The following HCN1 variants were observed in gnomAD, a reference collection of about 807,000 sequenced individuals.
HCN1 encodes the protein potassium/sodium hyperpolarization-activated cyclic nucleotide-gated channel 1.
A neutral mutation model predicts 78.9 loss-of-function variants in HCN1; 13 were observed. The ratio of observed to expected loss-of-function variants is 0.16; its 90% CI spans 0.11 to 0.26. The LOEUF (loss-of-function observed/expected upper bound fraction) is 0.26, where lower values mean the gene tolerates loss of function less well. Among genes scored for constraint, HCN1 ranks in the 10% least tolerant of loss-of-function variants. The probability of loss-of-function intolerance (pLI) is 1.00; values close to 1 mark genes in which losing one functional copy is unlikely to be tolerated. For synonymous variants in HCN1, 552 were observed against 455.5 expected, an observed-to-expected ratio of 1.21 and a Z score of -2.70; for missense variants, 810 against 1,154.3, an observed-to-expected ratio of 0.70 and a Z score of 4.32.
At chr5:45,526,150 C>A (rs139175780) in intron 2 of HCN1, among the ~76,000 whole-genome samples, 1 of 152,004 alleles carries the variant, frequency 6.6e-6, no homozygotes, top group Non-Finnish European at 1.5e-5. Context: ...TTTGTTAGAG[C>A]GGCCCAGATT....
chr5:45,545,135 G>A (rs538603700), intron 2 of HCN1, among the ~76,000 whole-genome samples: 4 of 152,088 alleles, frequency 2.6e-5, no homozygotes, highest in South Asian at 2.1e-4. Flanking sequence ...TTTAATGATC[G>A]CCATTCTAAC....
chr5:45,484,739 C>T (rs888607126), intron 2 of HCN1, among the ~76,000 whole-genome samples: 1 of 152,110 alleles, frequency 6.6e-6, no homozygotes, highest in African/African-American at 2.4e-5. Context: ...AGTAGCTAAA[C>T]CTAATCCTAA....
intron 4 of HCN1, among the ~76,000 whole-genome samples, chr5:45,358,998 C>A (rs1747060971): frequency 6.6e-6 from 1 of 152,074 alleles, no homozygotes; most frequent in Admixed American, 6.6e-5. Flanking sequence ...TCTGTCTTGC[C>A]ATGCCATAAG....
chr5:45,283,603 A>G (rs1745210737), intron 6 of HCN1, among the ~76,000 whole-genome samples: 1 of 152,164 alleles, frequency 6.6e-6, no homozygotes, highest in Non-Finnish European at 1.5e-5. Context: ...ACCATCTCAC[A>G]CTAGTCAGAA....
chr5:45,554,133 A>T (rs186889036), intron 2 of HCN1, among the ~76,000 whole-genome samples: 189 of 152,002 alleles, frequency 1.2e-3, no homozygotes, highest in African/African-American at 4.5e-3. Flanking sequence ...ATAGGCCAAA[A>T]TGAAGTTCTA....
chr5:45,485,200 C>T (rs190772547), intron 2 of HCN1, among the ~76,000 whole-genome samples: 57 of 152,226 alleles, frequency 3.7e-4, no homozygotes, highest in African/African-American at 1.2e-3. Context: ...ATAATGTAGG[C>T]GCTAAAAGAA....
intron 2 of HCN1, among the ~76,000 whole-genome samples, chr5:45,612,316 T>C (rs181562279): frequency 1.2e-3 from 184 of 152,296 alleles, no homozygotes; most frequent in Middle Eastern, 3.4e-3. Context: ...TTCATTTATC[T>C]TTCAACCTAT....
At chr5:45,316,903 C>T (rs918957817) in intron 5 of HCN1, among the ~76,000 whole-genome samples, 36 of 151,976 alleles carry the variant, frequency 2.4e-4, no homozygotes, top group African/African-American at 3.9e-4. Flanking sequence ...CACTGCTCAA[C>T]GAAATAAAAG....
chr5:45,462,256 T>C (rs1741177496), intron 2 of HCN1, among the ~76,000 whole-genome samples: 1 of 152,276 alleles, frequency 6.6e-6, no homozygotes, highest in African/African-American at 2.4e-5. Flanking sequence ...TAAATGTATG[T>C]ATTAAAGAAC....
At chr5:45,599,769 C>G (rs1284873513) in intron 2 of HCN1, among the ~76,000 whole-genome samples, 1 of 151,500 alleles carries the variant, frequency 6.6e-6, no homozygotes, top group Admixed American at 6.6e-5. Context: ...GCTGTGTTAT[C>G]AATTAAGTTG....
intron 1 of HCN1, among the ~76,000 whole-genome samples, chr5:45,667,810 G>A (rs1379709009): frequency 6.6e-6 from 1 of 151,880 alleles, no homozygotes; most frequent in Non-Finnish European, 1.5e-5. Flanking sequence ...TCCGACAATA[G>A]CCATGTTCCC....
intron 6 of HCN1, among the ~76,000 whole-genome samples, chr5:45,282,605 T>G (rs1260068982): frequency 6.6e-6 from 1 of 152,188 alleles, no homozygotes; most frequent in East Asian, 1.9e-4. Context: ...TTCAAAACCA[T>G]CCATAATCTG....
intron 2 of HCN1, among the ~76,000 whole-genome samples, chr5:45,552,422 G>C (rs1254281727): frequency 6.6e-6 from 1 of 151,916 alleles, no homozygotes; most frequent in Non-Finnish European, 1.5e-5. Flanking sequence ...TTGCAGTGCA[G>C]CAATATAATG....
At chr5:45,501,983 T>C (rs1742199783) in intron 2 of HCN1, among the ~76,000 whole-genome samples, 1 of 152,140 alleles carries the variant, frequency 6.6e-6, no homozygotes, top group Non-Finnish European at 1.5e-5. Flanking sequence ...AATATATTGT[T>C]TGTATTATTT....
intron 2 of HCN1, among the ~76,000 whole-genome samples, chr5:45,492,853 T>G (rs983248972): frequency 6.6e-6 from 1 of 152,124 alleles, no homozygotes; most frequent in Non-Finnish European, 1.5e-5. Flanking sequence ...CTTTATTTTG[T>G]TTTTTGTTCT....
In HCN1 at chr5:45,262,030, C is replaced by A. The variant is rs755932633; in HGVS notation, c.2564G>T (p.Gly855Val). The part of the protein sequence containing the change: ...MSSGAIPPNR[G>V]VPPAPPPPAA... Reference sequence around the variant, plus strand: ...TGGTGGAGGGGGTGCTGGAGGGACTCCTCGGTTCGGGGGGATGGCTCCCGA... The same window carrying A: ...TGGTGGAGGGGGTGCTGGAGGGACTACTCGGTTCGGGGGGATGGCTCCCGA... Residue 855 changes from glycine (G) to valine (V), a missense_variant, in exon 8 of 8, where the codon GGA becomes GTA. Around this residue, in one of 6 missense-constraint regions of HCN1, gnomAD observed 398 missense variants for 381.3 expected, o/e 1.04. Transcript: ENST00000303230. 6.2e-7 allele frequency: 1 copy of A among 1,613,986 alleles called. No individual in the cohort carries two copies. Among genetic ancestry groups the A allele is most frequent in the South Asian group, 1.1e-5 (1 of 91,082 alleles).
chr5:45,539,987 C>T (rs192452555), intron 2 of HCN1, among the ~76,000 whole-genome samples: 1 of 141,572 alleles, frequency 7.1e-6, no homozygotes, highest in Non-Finnish European at 1.5e-5. Context: ...CAGGATAGGC[C>T]TTAGTTTACT....
Position 45,639,680 on chromosome 5 carries a change from A to G in HCN1, c.849+5505T>C, listed in dbSNP as rs376957417. Among the ~76,000 whole-genome samples, 7 of 152,320 alleles carry G rather than the reference A, an allele frequency of 4.6e-5. No homozygotes were observed. The East Asian group carries it at 1.4e-3, about 29-fold the overall frequency. ...ACCGATACAAACATTTTTTGACAGC[A>G]AGAGTACTTGGCAAAGATAAACCTT... On this transcript the variant is annotated intron_variant, in intron 2 of 7. Coordinates refer to ENST00000303230, the MANE Select transcript of HCN1 (RefSeq NM_021072.4).
At chr5:45,506,917 G>A (rs1165982951) in intron 2 of HCN1, among the ~76,000 whole-genome samples, 1 of 152,010 alleles carries the variant, frequency 6.6e-6, no homozygotes, top group Admixed American at 6.6e-5. Flanking sequence ...CCTCAAACCT[G>A]CATACTAAAA....
Sources: allele counts gnomAD v4.1 joint callset (sites outside exome capture counted in the v4.1 genomes callset), GRCh38; gene constraint gnomAD v4.1.1; regional missense constraint gnomAD v4.1.1; transcripts MANE v1.5; gene names NCBI Gene and HGNC (gene_info 2026-07-23, HGNC 2026-07-21).